The following OSBPL3 variants were observed in gnomAD, a reference collection of about 807,000 sequenced individuals.
The protein encoded by OSBPL3 is oxysterol binding protein like 3, also known as oxysterol-binding protein-related protein 3.
Under a neutral mutation model 120.1 loss-of-function variants are expected in OSBPL3, and 65 were observed. The observed-to-expected ratio is 0.54, with a 90% CI of 0.44 to 0.67. The LOEUF (loss-of-function observed/expected upper bound fraction) is 0.67. OSBPL3 is among the 30% of genes least tolerant of loss of function. The pLI, the probability that OSBPL3 is intolerant of heterozygous loss-of-function variation, is 0.00. For missense variants in OSBPL3, 1,004 were observed against 1,082.1 expected (o/e 0.93, Z 1.01); for synonymous variants, 416 against 402.6 (o/e 1.03, Z -0.40).
In OSBPL3 at chr7:24,804,240, C is replaced by A; in HGVS notation, c.2567+75G>T. On this transcript the variant is annotated intron_variant, in intron 22 of 22. Coordinates refer to ENST00000313367, the MANE Select transcript of OSBPL3 (RefSeq NM_015550.4). This position sits in a 1 kb window ranked among gnomAD's most constrained non-coding sequence, Gnocchi z 5.4. ...GCTCTTATCTGGGGACAGTACTGTT[C>A]ACTTTCTGCAAACCAGAAGCATAAC... is the stretch of plus-strand genomic sequence containing the variant. 3 of 1,566,748 alleles carry A rather than the reference C, an allele frequency of 1.9e-6. No homozygotes were observed. The East Asian group carries it at 6.7e-5, about 35-fold the overall frequency.
In OSBPL3 at chr7:24,872,318, G is replaced by A. The variant is rs888639875; in HGVS notation, c.97-249C>T. 4.6e-5 allele frequency among the ~76,000 whole-genome samples: 7 copies of A among 151,780 alleles called. No homozygotes were observed. Among genetic ancestry groups the A allele is most frequent in the Non-Finnish European group, 1.0e-4 (7 of 67,950 alleles). On this transcript the variant is annotated intron_variant, in intron 2 of 22. Transcript: ENST00000313367. This position sits in a 1 kb window ranked among gnomAD's most constrained non-coding sequence, Gnocchi z 4.1. Reference sequence around the variant, plus strand: ...TTTAGAAGGGAATGTTTCTTTCGGTGTTTGAACCTTAATAGGCACAGCTAA... The same window carrying A: ...TTTAGAAGGGAATGTTTCTTTCGGTATTTGAACCTTAATAGGCACAGCTAA...
chr7:24,962,990 T>C (rs77385435), intron 1 of OSBPL3, among the ~76,000 whole-genome samples: 4,992 of 152,314 alleles, frequency 0.033, 138 homozygotes, highest in Non-Finnish European at 0.053. Context: ...TTCTGAGACA[T>C]GAATATGAAA....
rs1160578146 is a variant in OSBPL3 at position 24,851,631 on chromosome 7, C to T, written c.1158+873G>A. ...GATGGCAATTTCATATGTGCACACACTCTTTCTCTTTCTAAAGTAGGAATT... is the reference window on the plus strand; with the variant it reads ...GATGGCAATTTCATATGTGCACACATTCTTTCTCTTTCTAAAGTAGGAATT... On this transcript the variant is annotated intron_variant, in intron 11 of 22. Coordinates refer to ENST00000313367, the MANE Select transcript of OSBPL3 (RefSeq NM_015550.4). This position sits in a 1 kb window ranked among gnomAD's most constrained non-coding sequence, Gnocchi z 4.1. Among the ~76,000 whole-genome samples the T allele has an allele frequency of 6.6e-6, 1 of 152,106 alleles. No individual in the cohort carries two copies. Among genetic ancestry groups the T allele is most frequent in the Non-Finnish European group, 1.5e-5 (1 of 68,022 alleles).
At chr7:24,902,207 G>A (rs991783499) in intron 1 of OSBPL3, among the ~76,000 whole-genome samples, 2 of 152,152 alleles carry the variant, frequency 1.3e-5, no homozygotes, top group Non-Finnish European at 2.9e-5. Context: ...GGATGTACTG[G>A]TCACTATCCT....
intron 1 of OSBPL3, among the ~76,000 whole-genome samples, chr7:24,927,955 G>A (rs1811271800): frequency 6.6e-6 from 1 of 152,140 alleles, no homozygotes; most frequent in Non-Finnish European, 1.5e-5. Context: ...GGTGGGAGGT[G>A]ATTGGATCAT....
At chr7:24,829,101 G>A (rs1434002766) in intron 16 of OSBPL3, among the ~76,000 whole-genome samples, 2 of 151,686 alleles carry the variant, frequency 1.3e-5, no homozygotes, top group Non-Finnish European at 2.9e-5. Flanking sequence ...CACAGCTCAT[G>A]TTACTATTCT....
rs1021283345 is a variant in OSBPL3, at chr7:24,835,698, T to C, written c.1496-962A>G. Among the ~76,000 whole-genome samples, 1 of 151,938 alleles carries C rather than the reference T, an allele frequency of 6.6e-6. No homozygotes were observed. Among genetic ancestry groups the C allele is most frequent in the African/African-American group, 2.4e-5 (1 of 41,338 alleles). On this transcript the variant is annotated intron_variant, in intron 14 of 22. Coordinates refer to ENST00000313367, the MANE Select transcript of OSBPL3 (RefSeq NM_015550.4). This position sits in a 1 kb window ranked among gnomAD's most constrained non-coding sequence, Gnocchi z 4.8. ...TCAACAGTAGACTAGATAAAGAAAATGTGGTACATATACACCATGGAATAC... is the reference window on the plus strand; with the variant it reads ...TCAACAGTAGACTAGATAAAGAAAACGTGGTACATATACACCATGGAATAC...
intron 1 of OSBPL3, among the ~76,000 whole-genome samples, chr7:24,915,764 G>A (rs544013026): frequency 8.2e-4 from 125 of 151,956 alleles, no homozygotes; most frequent in Non-Finnish European, 1.7e-3. Context: ...AGTAGAGATG[G>A]GGTTTCACCA....
At position 24,938,869 on chromosome 7, in the gene OSBPL3, A is replaced by G. The variant is rs867019409; in HGVS notation, c.-150+41017T>C. Among the ~76,000 whole-genome samples, 2 of 151,240 alleles carry G rather than the reference A, an allele frequency of 1.3e-5. No individual in the cohort carries two copies. The highest frequency in any genetic ancestry group is 4.9e-5 in the African/African-American group (2 of 41,004). On this transcript the variant is annotated intron_variant, in intron 1 of 22. Coordinates refer to ENST00000313367, the MANE Select transcript of OSBPL3 (RefSeq NM_015550.4). The surrounding 1 kb of genome is among the most constrained non-coding windows in gnomAD (Gnocchi z 5.8). ...AAAACTAATGTGGCCAAGAAAGAAA[A>G]AAAAAAAAGATTGTTATTAAGGAAA...
rs1025927088 is a variant in OSBPL3 at position 24,932,218 on chromosome 7, G to A, written c.-149-39597C>T. Among the ~76,000 whole-genome samples, 1 of 152,160 alleles carries A rather than the reference G, an allele frequency of 6.6e-6. No individual in the cohort carries two copies. The highest frequency in any genetic ancestry group is 1.5e-5 in the Non-Finnish European group (1 of 68,036). On this transcript the variant is annotated intron_variant, in intron 1 of 22. Coordinates refer to ENST00000313367, the MANE Select transcript of OSBPL3 (RefSeq NM_015550.4). This position sits in a 1 kb window ranked among gnomAD's most constrained non-coding sequence, Gnocchi z 5.6. ...GCTTCGGCAACTGAGGCTTAACAAGGTCATATTTGTCCACCATCACTGGAA... is the reference window on the plus strand; with the variant it reads ...GCTTCGGCAACTGAGGCTTAACAAGATCATATTTGTCCACCATCACTGGAA...
chr7:24,833,229 A>G lies in OSBPL3; in HGVS notation c.1746+1257T>C, dbSNP rs1176718942. On this transcript the variant is annotated intron_variant, in intron 15 of 22. Transcript: ENST00000313367. This position sits in a 1 kb window ranked among gnomAD's most constrained non-coding sequence, Gnocchi z 4.4. ...AGAAAGAAAGTCTCTTGGGCCAGGT[A>G]CAGTGACTCATGCCTGTAATCCCAG... is the stretch of plus-strand genomic sequence containing the variant. 2.0e-5 allele frequency among the ~76,000 whole-genome samples: 3 copies of G among 152,178 alleles called. No homozygotes were observed. Among genetic ancestry groups the G allele is most frequent in the Non-Finnish European group, 4.4e-5 (3 of 68,044 alleles).
intron 19 of OSBPL3, among the ~76,000 whole-genome samples, chr7:24,812,301 T>A (rs1460523780): frequency 3.4e-5 from 2 of 58,544 alleles, no homozygotes; most frequent in East Asian, 2.2e-3. Flanking sequence ...TGAGACTCCA[T>A]CTCAAAAAAA....
chr7:24,859,797 GAC>G (rs1428616864), intron 10 of OSBPL3, among the ~76,000 whole-genome samples: 1 of 152,188 alleles, frequency 6.6e-6, no homozygotes, highest in African/African-American at 2.4e-5. Flanking sequence ...TACCTGACGT[GAC>G]AGTTATGTGC....
rs1234809157 is a variant in OSBPL3 at position 24,871,403 on chromosome 7, G to A, written c.267+339C>T. On this transcript the variant is annotated intron_variant, in intron 4 of 22. Coordinates refer to ENST00000313367, the MANE Select transcript of OSBPL3 (RefSeq NM_015550.4). The surrounding 1 kb of genome is among the most constrained non-coding windows in gnomAD (Gnocchi z 4.8). ...TTCTTCACCCAGGGGCTTCTCCCCG[G>A]AATCTCTCGGTCACAGTGCAAGAGG... 1.3e-5 allele frequency among the ~76,000 whole-genome samples: 2 copies of A among 152,172 alleles called. No homozygotes were observed. The highest frequency in any genetic ancestry group is 1.9e-4 in the East Asian group (1 of 5,194).
intron 1 of OSBPL3, among the ~76,000 whole-genome samples, chr7:24,945,681 G>C (rs577092973): frequency 6.6e-5 from 10 of 152,322 alleles, no homozygotes; most frequent in Middle Eastern, 3.4e-3. Flanking sequence ...AAGCTAAGCA[G>C]TCTAGAGTCC....
chr7:24,897,401 C>A (rs1157620089), intron 1 of OSBPL3, among the ~76,000 whole-genome samples: 1 of 145,852 alleles, frequency 6.9e-6, no homozygotes, highest in Non-Finnish European at 1.5e-5. Context: ...TCTCGGCTCA[C>A]TGCAAGCTCC....
At chr7:24,914,178 G>C (rs981585933) in intron 1 of OSBPL3, among the ~76,000 whole-genome samples, 1 of 151,954 alleles carries the variant, frequency 6.6e-6, no homozygotes, top group African/African-American at 2.4e-5. Context: ...AGGGAGAAGA[G>C]ACAAGAGCCC....
Position 24,863,524 on chromosome 7 carries a change from T to C in OSBPL3, c.749A>G (p.Tyr250Cys). The C allele has an allele frequency of 6.2e-7, 1 of 1,613,964 alleles. No homozygotes were observed. Among genetic ancestry groups the C allele is most frequent in the Non-Finnish European group, 8.5e-7 (1 of 1,179,894 alleles). The part of the protein sequence containing the change: ...LQSMDVLHRT[Y>C]SAPAINAIQG... Reference sequence around the variant, plus strand: ...GATGGCGTTGATAGCTGGTGCCGAGTATGTCCGATGCAGGACGTCCATGCT... The same window carrying C: ...GATGGCGTTGATAGCTGGTGCCGAGCATGTCCGATGCAGGACGTCCATGCT... The change falls in exon 8 of 23, where the codon TAC becomes TGC. Residue 250 changes from tyrosine to cysteine, a missense_variant. Tyr to Cys is a radical substitution (Grantham distance 194). Transcript: ENST00000313367. This position sits in a 1 kb window ranked among gnomAD's most constrained non-coding sequence, Gnocchi z 5.8.
Position 24,833,622 on chromosome 7 carries a change from G to A in OSBPL3, c.1746+864C>T, listed in dbSNP as rs1320496789. ...ATTCCAATGTAGCCAATTGGCAAAT[G>A]CCCAGGAGAGAGACTCTGCATCTGG... On this transcript the variant is annotated intron_variant, in intron 15 of 22. Transcript: ENST00000313367. This position sits in a 1 kb window ranked among gnomAD's most constrained non-coding sequence, Gnocchi z 4.4. Among the ~76,000 whole-genome samples the A allele has an allele frequency of 6.6e-6, 1 of 152,204 alleles. No homozygotes were observed. Among genetic ancestry groups the A allele is most frequent in the African/African-American group, 2.4e-5 (1 of 41,444 alleles).
Sources: allele counts gnomAD v4.1 joint callset (sites outside exome capture counted in the v4.1 genomes callset), GRCh38; gene constraint gnomAD v4.1.1; non-coding constraint Gnocchi (gnomAD v3.1); transcripts MANE v1.5; gene names NCBI Gene and HGNC (gene_info 2026-07-23, HGNC 2026-07-21).